The following LONP1 variants were observed in gnomAD, a reference collection of about 807,000 sequenced individuals.
LONP1 encodes the protein lon protease homolog, mitochondrial.
LONP1 carries 31 observed loss-of-function variants against 98.5 expected under a neutral mutation model. The observed-to-expected ratio is 0.31, with a 90% confidence interval of 0.24 to 0.42. LONP1 has a LOEUF of 0.42. LONP1 is among the 20% of genes least tolerant of loss of function. The pLI is 1.00. For synonymous variants in LONP1, 781 were observed against 594.7 expected, an observed-to-expected ratio of 1.31 and a Z score of -4.56; for missense variants, 1,336 against 1,350.6, an observed-to-expected ratio of 0.99 and a Z score of 0.17.
In LONP1 at chr19:5,705,964, C is replaced by T. The variant is rs373094123; in HGVS notation, c.1175G>A (p.Arg392His). ...EVEEKIKQTHRKYLLQEQLKI... is the reference protein window; with the variant it reads ...EVEEKIKQTHHKYLLQEQLKI... ...TAGCTGCTCCTGCAGCAGGTACTTA[C>T]GGTGGGTCTGCTTGATCTTCTCCTC... is the stretch of plus-strand genomic sequence containing the variant. Residue 392 changes from arginine (R) to histidine (H), a missense_variant, in exon 8 of 18, where the codon CGT becomes CAT. Arg to His is a conservative substitution (Grantham distance 29). Coordinates refer to ENST00000360614, the MANE Select transcript of LONP1 (RefSeq NM_004793.4). 1.7e-5 allele frequency: 28 copies of T among 1,609,336 alleles called. No individual in the cohort carries two copies. Among genetic ancestry groups the T allele is most frequent in the African/African-American group, 1.3e-4 (10 of 74,790 alleles).
intron 15 of LONP1, 29 bp from the exon 16 acceptor site, chr19:5,693,798 G>C (rs751603229): frequency 1.3e-6 from 2 of 1,589,666 alleles, no homozygotes; most frequent in Non-Finnish European, 1.7e-6. Flanking sequence ...TGTGAACACG[G>C]GAGGCCTCGG....
intron 1 of LONP1, among the ~76,000 whole-genome samples, chr19:5,716,300 A>ATATATATATATATATATG (rs1568329236): frequency 8.4e-6 from 1 of 118,658 alleles, no homozygotes; most frequent in African/African-American, 3.2e-5. Flanking sequence ...ATATATATAT[A>ATATATATATATATATATG]GTAATGGCCC....
upstream of LONP1, chr19:5,720,161 CT>C: frequency 7.2e-7 from 1 of 1,390,252 alleles, no homozygotes; most frequent in Non-Finnish European, 9.3e-7. Context: ...GCTCACACAA[CT>C]CGCGTCATTT....
chr19:5,699,217 G>A lies in LONP1; in HGVS notation c.1507-12C>T. The A allele has an allele frequency of 1.3e-6, 2 of 1,487,744 alleles. No individual in the cohort carries two copies. The highest frequency in any genetic ancestry group is 2.5e-5 in the East Asian group (1 of 40,298). The allele number at this position is 1,487,744 out of a possible 1,614,324, so 92.2% of individuals were successfully genotyped here. ...ACGGCAATGAACTCCTGCAGACAGA[G>A]GCAGGTTCAGTGGGCACGTGAGCTG... On this transcript the variant is annotated splice_polypyrimidine_tract_variant and intron_variant, in intron 9 of 17. Transcript: ENST00000360614.
intron 10 of LONP1, among the ~76,000 whole-genome samples, chr19:5,697,468 G>A (rs938040594): frequency 6.8e-6 from 1 of 148,088 alleles, no homozygotes; most frequent in African/African-American, 2.5e-5. Flanking sequence ...TGTGTTAGAA[G>A]AACAGTGAGG....
intron 8 of LONP1, 90 bp from the exon 9 acceptor site, chr19:5,701,017 G>C: frequency 6.7e-7 from 1 of 1,484,556 alleles, no homozygotes; most frequent in Non-Finnish European, 9.4e-7. Context: ...CAAGGGGCTT[G>C]AAACCCATGT....
chr19:5,707,787 C>G lies in LONP1; in HGVS notation c.972G>C (p.Val324=). The change falls in exon 6 of 18, where the codon GTG becomes GTC. Residue 324 remains valine, a synonymous_variant. Transcript: ENST00000360614. ...CGCTCAGGTAGATGGGGTTGTCCAC[C>G]ACCCGCTGGCCAGCCTGCATCATCT... is the stretch of plus-strand genomic sequence containing the variant. ...VLQMMQAGQR[V]VDNPIYLSDM... 1 of 1,613,156 alleles carries G rather than the reference C, an allele frequency of 6.2e-7. No homozygotes were observed. Among genetic ancestry groups the G allele is most frequent in the Non-Finnish European group, 8.5e-7 (1 of 1,179,910 alleles).
chr19:5,699,534 C>A (rs1167067012), intron 9 of LONP1, among the ~76,000 whole-genome samples: 1 of 151,792 alleles, frequency 6.6e-6, no homozygotes, highest in South Asian at 2.1e-4. Flanking sequence ...GAGAAGCAGT[C>A]CACCAATGCC....
chr19:5,717,389 T>C (rs2055340151), intron 1 of LONP1: 1 of 152,232 alleles, frequency 6.6e-6, no homozygotes, highest in South Asian at 2.1e-4. Flanking sequence ...GATCCATTTT[T>C]ATGATTTACA....
Position 5,703,510 on chromosome 19 carries a change from G to A in LONP1, c.1367+2262C>T, listed in dbSNP as rs181886130. Among the ~76,000 whole-genome samples the A allele has an allele frequency of 2.0e-5, 3 of 152,242 alleles. No individual in the cohort carries two copies. The East Asian group carries it at 5.8e-4, about 29-fold the overall frequency. On this transcript the variant is annotated intron_variant, in intron 8 of 17. Coordinates refer to ENST00000360614, the MANE Select transcript of LONP1 (RefSeq NM_004793.4). ...CTATGGGCCAGGAGCAAGTCAGTGAGGGCTGCAAGAGCACACGGCAGGATT... is the reference window on the plus strand; with the variant it reads ...CTATGGGCCAGGAGCAAGTCAGTGAAGGCTGCAAGAGCACACGGCAGGATT...
chr19:5,704,161 G>C (rs896335677), intron 8 of LONP1, among the ~76,000 whole-genome samples: 1 of 152,188 alleles, frequency 6.6e-6, no homozygotes, highest in Non-Finnish European at 1.5e-5. Context: ...AAGAGGCTGC[G>C]CTGTGGCTGT....
At chr19:5,711,049 A>T (rs1483613020) in intron 4 of LONP1, among the ~76,000 whole-genome samples, 1 of 151,412 alleles carries the variant, frequency 6.6e-6, no homozygotes, top group Non-Finnish European at 1.5e-5. Context: ...AAAAAAAAAA[A>T]CCTCGCAGGG....
intron 10 of LONP1, among the ~76,000 whole-genome samples, chr19:5,697,364 G>C (rs369663996): frequency 6.6e-6 from 1 of 151,788 alleles, no homozygotes; most frequent in Non-Finnish European, 1.5e-5. Context: ...CCCGAGCAAC[G>C]CACGTGAGGA....
intron 3 of LONP1, among the ~76,000 whole-genome samples, chr19:5,712,889 C>T (rs575328876): frequency 2.0e-4 from 31 of 152,152 alleles, no homozygotes; most frequent in African/African-American, 7.2e-4. Context: ...CCTTGACATC[C>T]CAAAGTGCTG....
chr19:5,694,475 G>C lies in LONP1; in HGVS notation c.2232C>G (p.Asp744Glu). 6.2e-7 allele frequency: 1 copy of C among 1,613,420 alleles called. No individual in the cohort carries two copies. Among genetic ancestry groups the C allele is most frequent in the Non-Finnish European group, 8.5e-7 (1 of 1,180,014 alleles). Residue 744 changes from aspartate (D) to glutamate (E), a missense_variant, in exon 15 of 18, where the codon GAC (aspartate) becomes GAG (glutamate). By Grantham distance (45) the Asp-to-Glu change is conservative. This residue lies in a region of LONP1 where 555 missense variants were observed against 542.6 expected (regional missense o/e 1.02). Coordinates refer to ENST00000360614, the MANE Select transcript of LONP1 (RefSeq NM_004793.4). ...CGGTGAACACGGGCTTCCCCACGAA[G>C]TCCTGCAGGTTCTCGGGCGTCACCT... Reference protein sequence around the residue: ...SVEVTPENLQDFVGKPVFTVE... With the variant: ...SVEVTPENLQEFVGKPVFTVE...
chr19:5,706,163 G>T (rs907144580), intron 7 of LONP1, among the ~76,000 whole-genome samples, 171 bp from the exon 8 acceptor site: 4 of 152,084 alleles, frequency 2.6e-5, no homozygotes, highest in Non-Finnish European at 5.9e-5. Context: ...TTGAGACAGG[G>T]TCTACCTGTG....
At chr19:5,699,547 T>C (rs1007565794) in intron 9 of LONP1, among the ~76,000 whole-genome samples, 7 of 145,874 alleles carry the variant, frequency 4.8e-5, no homozygotes, top group African/African-American at 1.0e-4. Context: ...CCAATGCCTC[T>C]GGCTCCTGTT....
chr19:5,699,729 T>C (rs1303338408), intron 9 of LONP1, among the ~76,000 whole-genome samples: 1 of 151,070 alleles, frequency 6.6e-6, no homozygotes, highest in Non-Finnish European at 1.5e-5. Context: ...GGCTACTTTT[T>C]TTGTATTTTT....
At chr19:5,708,081 G>T (rs929010941) in intron 5 of LONP1, 1 of 608,218 alleles carries the variant, frequency 1.6e-6, no homozygotes. Flanking sequence ...TCAGCAGTCT[G>T]CTCCCCACTC....
Sources: gnomAD v4.1 joint callset for allele counts (sites outside exome capture counted in the v4.1 genomes callset) on GRCh38, gnomAD v4.1.1 for gene constraint, gnomAD v4.1.1 regional missense constraint, MANE v1.5 for transcripts, NCBI Gene and HGNC (gene_info 2026-07-23, HGNC 2026-07-21) for gene names.